SH3PXD2A: variants seen among roughly 807,000 people sequenced by gnomAD.
The protein encoded by SH3PXD2A is SH3 and PX domains 2A, also known as SH3 and PX domain-containing protein 2A.
In SH3PXD2A, 32 loss-of-function variants were observed where a neutral mutation model predicts 115.2. The ratio of observed to expected loss-of-function variants is 0.28; its 90% CI spans 0.21 to 0.37. The LOEUF (loss-of-function observed/expected upper bound fraction) is 0.37. Ranked by LOEUF, SH3PXD2A falls within the 10% of genes least tolerant of loss-of-function variation. The pLI, the probability that SH3PXD2A is intolerant of heterozygous loss-of-function variation, is 1.00. For missense variants in SH3PXD2A, 1,328 were observed against 1,498.7 expected (o/e 0.89, Z 1.88); for synonymous variants, 610 against 629.1 (o/e 0.97, Z 0.45).
In SH3PXD2A at chr10:103,600,973, C is replaced by G. The variant is rs929663775; in HGVS notation, c.*843G>C. On this transcript the variant is annotated 3_prime_UTR_variant, in exon 15 of 15. Coordinates refer to ENST00000369774, the MANE Select transcript of SH3PXD2A (RefSeq NM_001394015.1). ...GCAAACCAAAGGCCTGACATATAAG[C>G]CCCAAATCAACAAACCTCTCCCGAA... 6 of 152,324 alleles carry G rather than the reference C, an allele frequency of 3.9e-5. No individual in the cohort carries two copies. The highest frequency in any genetic ancestry group is 1.4e-4 in the African/African-American group (6 of 41,562). 9.4% of individuals were successfully genotyped at this position (152,324 alleles called of 1,614,324 possible).
intron 6 of SH3PXD2A, among the ~76,000 whole-genome samples, chr10:103,678,677 C>G (rs960415601): frequency 2.6e-5 from 4 of 152,128 alleles, no homozygotes; most frequent in African/African-American, 9.7e-5. Flanking sequence ...ATCAGCCTCT[C>G]GGGAGTTCTC....
chr10:103,790,705 T>C (rs911415661), intron 2 of SH3PXD2A, among the ~76,000 whole-genome samples: 4 of 152,182 alleles, frequency 2.6e-5, no homozygotes, highest in African/African-American at 9.7e-5. Context: ...TTTTGTTTTT[T>C]AGAAAGACTC....
rs910048914 is a variant in SH3PXD2A at position 103,620,554 on chromosome 10, CTT to C, written c.802+1914_802+1915del. 3.9e-5 allele frequency among the ~76,000 whole-genome samples: 6 copies of C among 152,214 alleles called. No individual in the cohort carries two copies. The highest frequency in any genetic ancestry group is 1.4e-4 in the African/African-American group (6 of 41,450). ...GGCCGTGGGGAAGCTCCGCTTTTCT[CTT>C]GTCTAGCTCCTCCACAACCTGCAGC... On this transcript the variant is annotated intron_variant, in intron 10 of 14. Coordinates refer to ENST00000369774, the MANE Select transcript of SH3PXD2A (RefSeq NM_001394015.1). The surrounding 1 kb of genome is among the most constrained non-coding windows in gnomAD (Gnocchi z 5.3).
chr10:103,606,198 CA>C (rs1484770618), intron 13 of SH3PXD2A, among the ~76,000 whole-genome samples: 1 of 150,998 alleles, frequency 6.6e-6, no homozygotes, highest in African/African-American at 2.4e-5. Context: ...TCATCATCAT[CA>C]TCATCATCAT....
At chr10:103,825,281 C>G (rs1181765718) in intron 1 of SH3PXD2A, among the ~76,000 whole-genome samples, 1 of 152,202 alleles carries the variant, frequency 6.6e-6, no homozygotes, top group East Asian at 1.9e-4. Flanking sequence ...ACTTGGGCCG[C>G]TGATTTCATC....
chr10:103,798,735 A>G (rs2039118641), intron 2 of SH3PXD2A, among the ~76,000 whole-genome samples: 3 of 152,208 alleles, frequency 2.0e-5, no homozygotes, highest in Non-Finnish European at 4.4e-5. Context: ...GCCACACCCC[A>G]GCTCCCAGCG....
intron 10 of SH3PXD2A, 81 bp from the exon 11 acceptor site, chr10:103,617,395 C>T: frequency 1.0e-6 from 1 of 987,086 alleles, no homozygotes; most frequent in Non-Finnish European, 1.6e-6. Flanking sequence ...CTGCCCTGGC[C>T]TGGCTTTTGC....
chr10:103,629,870 C>A (rs952430991), intron 8 of SH3PXD2A, among the ~76,000 whole-genome samples: 1 of 152,194 alleles, frequency 6.6e-6, no homozygotes, highest in African/African-American at 2.4e-5. Flanking sequence ...TAGGCCTGTC[C>A]CCCTGGGGAG....
At position 103,612,838 on chromosome 10, in the gene SH3PXD2A, C is replaced by T. The variant is rs1189843077; in HGVS notation, c.1258+15G>A. 1.3e-6 allele frequency: 2 copies of T among 1,524,246 alleles called. No homozygotes were observed. Among genetic ancestry groups the T allele is most frequent in the Non-Finnish European group, 1.8e-6 (2 of 1,136,022 alleles). The allele number at this position is 1,524,246 out of a possible 1,614,324, so 94.4% of individuals were successfully genotyped here. A position where few individuals can be genotyped will look rare whatever the true frequency, so the allele number is the denominator to read the frequency against. ...AGCTTTGCAGTGAGGACCTAGAGGTCAGCGAGGCTCTTACTGATCTGGGCC... is the reference window on the plus strand; with the variant it reads ...AGCTTTGCAGTGAGGACCTAGAGGTTAGCGAGGCTCTTACTGATCTGGGCC... On this transcript the variant is annotated intron_variant, in intron 12 of 14. Transcript: ENST00000369774.
intron 3 of SH3PXD2A, among the ~76,000 whole-genome samples, chr10:103,739,453 G>C (rs556277298): frequency 6.7e-6 from 1 of 149,424 alleles, no homozygotes; most frequent in South Asian, 2.1e-4. Context: ...GCCAGTGGGG[G>C]AGAGAGGGAG....
At chr10:103,625,827 T>A (rs914706582) in intron 9 of SH3PXD2A, among the ~76,000 whole-genome samples, 1 of 152,122 alleles carries the variant, frequency 6.6e-6, no homozygotes, top group Non-Finnish European at 1.5e-5. Flanking sequence ...GTGGCAGAGG[T>A]TGCAGTGAGC....
chr10:103,649,771 CAA>C (rs2134019049), intron 8 of SH3PXD2A, among the ~76,000 whole-genome samples: 1 of 152,322 alleles, frequency 6.6e-6, no homozygotes, highest in South Asian at 2.1e-4. Flanking sequence ...GTACAGAAAA[CAA>C]AAGAGAAAGA....
At chr10:103,840,446 GAAGA>G (rs1210727086) in intron 1 of SH3PXD2A, among the ~76,000 whole-genome samples, 1 of 152,200 alleles carries the variant, frequency 6.6e-6, no homozygotes, top group Non-Finnish European at 1.5e-5. Context: ...CTGTCTGGGA[GAAGA>G]AAGAGAAACT....
At chr10:103,701,480 TCATCCATCCATCATCCATCCATTCATC>T (rs1367391590) in intron 5 of SH3PXD2A, among the ~76,000 whole-genome samples, 7 of 137,230 alleles carry the variant, frequency 5.1e-5, no homozygotes, top group Non-Finnish European at 1.1e-4. Flanking sequence ...CATCCATCCA[TCATCCATCCATCATCCATCCATTCATC>T]CATCCATCCA....
At position 103,595,189 on chromosome 10, in the gene SH3PXD2A, G is replaced by C. The variant is rs1018838054; in HGVS notation, c.*6627C>G. 1 of 152,204 alleles carries C rather than the reference G, an allele frequency of 6.6e-6. No individual in the cohort carries two copies. The highest frequency in any genetic ancestry group is 2.1e-4 in the South Asian group (1 of 4,830). 9.4% of individuals were successfully genotyped at this position (152,204 alleles called of 1,614,324 possible). A position where few individuals can be genotyped will look rare whatever the true frequency, so the allele number is the denominator to read the frequency against. ...CATTGAGAACTGATGGGGACCCAGC[G>C]TGTGGCCCAATGAGTGGCAGTTTTT... On this transcript the variant is annotated 3_prime_UTR_variant, in exon 15 of 15. Transcript: ENST00000369774.
At chr10:103,738,797 T>C (rs973999599) in intron 3 of SH3PXD2A, among the ~76,000 whole-genome samples, 15 of 149,210 alleles carry the variant, frequency 1.0e-4, no homozygotes, top group South Asian at 4.2e-4. Context: ...AGAACTCTCT[T>C]TTTTTTTTTT....
At chr10:103,605,719 G>A in intron 14 of SH3PXD2A, 79 bp downstream of exon 14, 1 of 1,582,508 alleles carries the variant, frequency 6.3e-7, no homozygotes, top group Non-Finnish European at 8.7e-7. Flanking sequence ...AATCTTACTA[G>A]CAAGGCCTAA....
At chr10:103,674,725 C>G (rs1167027108) in intron 6 of SH3PXD2A, among the ~76,000 whole-genome samples, 2 of 152,090 alleles carry the variant, frequency 1.3e-5, no homozygotes, top group Non-Finnish European at 2.9e-5. Context: ...GAGGCTGAGG[C>G]AGGAAAATTG....
intron 3 of SH3PXD2A, among the ~76,000 whole-genome samples, chr10:103,737,515 G>A (rs1454888051): frequency 6.6e-6 from 1 of 152,188 alleles, no homozygotes; most frequent in African/African-American, 2.4e-5. Context: ...GAGTGGGACA[G>A]TAAGGGCAGG....
Sources: allele counts gnomAD v4.1 joint callset (sites outside exome capture counted in the v4.1 genomes callset), GRCh38; gene constraint gnomAD v4.1.1; non-coding constraint Gnocchi (gnomAD v3.1); transcripts MANE v1.5; gene names NCBI Gene and HGNC (gene_info 2026-07-23, HGNC 2026-07-21).